PCDHGB1: variants seen among roughly 807,000 people sequenced by gnomAD.
PCDHGB1 encodes protocadherin gamma-B1.
Under a neutral mutation model 56.6 loss-of-function variants are expected in PCDHGB1, and 34 were observed. The ratio of observed to expected loss-of-function variants is 0.60; its 90% CI spans 0.46 to 0.80. The LOEUF (loss-of-function observed/expected upper bound fraction) is 0.80, where lower values mean the gene tolerates loss of function less well. PCDHGB1 is among the 30% of genes least tolerant of loss of function. PCDHGB1 has a pLI of 0.00. For synonymous variants in PCDHGB1, 561 were observed against 505.9 expected, an observed-to-expected ratio of 1.11 and a Z score of -1.46; for missense variants, 1,278 against 1,204.6, an observed-to-expected ratio of 1.06 and a Z score of -0.90.
Position 141,485,606 on chromosome 5 carries a change from G to T in PCDHGB1, c.2410-9201G>T, listed in dbSNP as rs2099616630. On this transcript the variant is annotated intron_variant, in intron 1 of 3. Transcript: ENST00000523390. The surrounding 1 kb of genome is among the most constrained non-coding windows in gnomAD (Gnocchi z 5.7). ...GCAGCTGGACTTGGAAATTGGGGAG[G>T]CAGCTCCTCCAGGACAGCGTTTCCC... is the stretch of plus-strand genomic sequence containing the variant. 1.2e-6 allele frequency: 2 copies of T among 1,612,362 alleles called. No homozygotes were observed. The highest frequency in any genetic ancestry group is 4.5e-5 in the East Asian group (2 of 44,840).
chr5:141,453,317 G>A (rs1218359210), intron 1 of PCDHGB1, among the ~76,000 whole-genome samples: 1 of 151,178 alleles, frequency 6.6e-6, no homozygotes, highest in Non-Finnish European at 1.5e-5. Flanking sequence ...ATTTATTTTA[G>A]AGATGGGGTC....
intron 1 of PCDHGB1, chr5:141,355,462 G>A (rs1450885001): frequency 6.2e-7 from 1 of 1,614,088 alleles, no homozygotes; most frequent in Admixed American, 1.7e-5. Flanking sequence ...GGTCACCGCG[G>A]GTAGGATAGA....
rs372676262 is a variant in PCDHGB1 at position 141,404,832 on chromosome 5, G to A, written c.2409+52163G>A. On this transcript the variant is annotated intron_variant, in intron 1 of 3. Coordinates refer to ENST00000523390, the MANE Select transcript of PCDHGB1 (RefSeq NM_018922.3). ...GTGGGGCTGCACACAGGTGAAGTGCGCACAGCTCGGGCCCTGCTAGATAGA... is the reference window on the plus strand; with the variant it reads ...GTGGGGCTGCACACAGGTGAAGTGCACACAGCTCGGGCCCTGCTAGATAGA... 34 of 1,613,864 alleles carry A rather than the reference G, an allele frequency of 2.1e-5. No individual in the cohort carries two copies. Among genetic ancestry groups the A allele is most frequent in the Middle Eastern group, 1.6e-4 (1 of 6,062 alleles).
chr5:141,432,560 A>C lies in PCDHGB1; in HGVS notation c.2410-62247A>C. The C allele has an allele frequency of 2.5e-6, 4 of 1,613,600 alleles. No individual in the cohort carries two copies. Among genetic ancestry groups the C allele is most frequent in the Non-Finnish European group, 3.4e-6 (4 of 1,179,962 alleles). ...GGCGGTGGACAGAGACTCCGGCCAG[A>C]ACGCCTGGCTGTCCTACCGTCTGCT... On this transcript the variant is annotated intron_variant, in intron 1 of 3. Transcript: ENST00000523390. The surrounding 1 kb of genome is among the most constrained non-coding windows in gnomAD (Gnocchi z 6.0).
rs1000775080 is a variant in PCDHGB1 at position 141,487,567 on chromosome 5, G to C, written c.2410-7240G>C. 2 of 1,614,168 alleles carry C rather than the reference G, an allele frequency of 1.2e-6. No individual in the cohort carries two copies. The highest frequency in any genetic ancestry group is 1.7e-6 in the Non-Finnish European group (2 of 1,180,036). ...CACCCAGTGCACCTATGGCAGGGGA[G>C]CCTGTTCGCCCAAGCTGCCCACCCT... On this transcript the variant is annotated intron_variant, in intron 1 of 3. Coordinates refer to ENST00000523390, the MANE Select transcript of PCDHGB1 (RefSeq NM_018922.3). The surrounding 1 kb of genome is among the most constrained non-coding windows in gnomAD (Gnocchi z 5.0).
chr5:141,367,760 C>T (rs1765322147), intron 1 of PCDHGB1: 1 of 152,102 alleles, frequency 6.6e-6, no homozygotes, highest in Non-Finnish European at 1.5e-5. Flanking sequence ...TACTGCTGCA[C>T]TCAATAAATG....
At chr5:141,382,318 T>A (rs1233432296) in intron 1 of PCDHGB1, among the ~76,000 whole-genome samples, 1 of 152,250 alleles carries the variant, frequency 6.6e-6, no homozygotes, top group African/African-American at 2.4e-5. Context: ...TACACTGATG[T>A]AAATATTTTC....
intron 1 of PCDHGB1, among the ~76,000 whole-genome samples, chr5:141,470,877 T>C (rs1438812002): frequency 1.3e-5 from 2 of 151,808 alleles, no homozygotes; most frequent in Non-Finnish European, 2.9e-5. Context: ...TTTGTTTTTT[T>C]GTTTTTGTTT....
chr5:141,427,875 C>A, intron 1 of PCDHGB1: 1 of 1,560,408 alleles, frequency 6.4e-7, no homozygotes. Flanking sequence ...GCTCACGATG[C>A]AGGCCCACGA....
intron 1 of PCDHGB1, chr5:141,400,541 T>C: frequency 6.2e-7 from 1 of 1,613,832 alleles, no homozygotes; most frequent in Admixed American, 1.7e-5. Flanking sequence ...TTCATTTATG[T>C]CTATTCTTTT....
At position 141,389,059 on chromosome 5, in the gene PCDHGB1, T is replaced by C. The variant is rs773183818; in HGVS notation, c.2409+36390T>C. The stretch of plus-strand genomic sequence containing the variant: ...TTGGAAGGTGATGTTCCATTTAAAA[T>C]ATTAACTTCTTCAAGAAACACGTAT... On this transcript the variant is annotated intron_variant, in intron 1 of 3. Transcript: ENST00000523390. 4 of 1,613,988 alleles carry C rather than the reference T, an allele frequency of 2.5e-6. No individual in the cohort carries two copies. In the South Asian group the frequency reaches 4.4e-5, roughly 18 times the overall value.
At chr5:141,409,235 C>A (rs1471024804) in intron 1 of PCDHGB1, 1 of 1,613,832 alleles carries the variant, frequency 6.2e-7, no homozygotes, top group East Asian at 2.2e-5. Context: ...CGACAACAGC[C>A]CAGAAATAAT....
intron 1 of PCDHGB1, chr5:141,478,148 C>A: frequency 6.2e-7 from 1 of 1,614,066 alleles, no homozygotes; most frequent in Non-Finnish European, 8.5e-7. Flanking sequence ...AGCCGAGTTC[C>A]CCTCTGGCTC....
At chr5:141,437,826 CT>C (rs1263000808) in intron 1 of PCDHGB1, among the ~76,000 whole-genome samples, 5 of 151,936 alleles carry the variant, frequency 3.3e-5, no homozygotes, top group African/African-American at 1.2e-4. Flanking sequence ...CAACCTCTGC[CT>C]CCTGGGTTCA....
intron 1 of PCDHGB1, chr5:141,383,710 G>A (rs1388027066): frequency 1.4e-5 from 22 of 1,613,874 alleles, no homozygotes; most frequent in Non-Finnish European, 1.9e-5. Flanking sequence ...CGACCTGGAC[G>A]AGGGAGTCAA....
chr5:141,419,681 G>T (rs377117997), intron 1 of PCDHGB1: 89 of 1,612,904 alleles, frequency 5.5e-5, no homozygotes, highest in Non-Finnish European at 7.0e-5. Flanking sequence ...GTCCTACCAC[G>T]TGGTGCAGGC....
intron 1 of PCDHGB1, among the ~76,000 whole-genome samples, chr5:141,380,075 C>T (rs1776189722): frequency 6.6e-6 from 1 of 151,480 alleles, no homozygotes; most frequent in African/African-American, 2.4e-5. Flanking sequence ...AATTTTCATA[C>T]TTTTAGTAGA....
intron 1 of PCDHGB1, among the ~76,000 whole-genome samples, chr5:141,354,039 G>A (rs1054364737): frequency 1.4e-4 from 22 of 152,148 alleles, no homozygotes; most frequent in Admixed American, 1.3e-3. Context: ...GAAAGCGATG[G>A]CACATGCAAT....
At chr5:141,438,591 CATATATATATATATATAT>C (rs946798767) in intron 1 of PCDHGB1, among the ~76,000 whole-genome samples, 2 of 75,562 alleles carry the variant, frequency 2.6e-5, no homozygotes, top group Non-Finnish European at 5.4e-5. Context: ...TACATACATA[CATATATATATATATATAT>C]ATATATATAT....
Sources: allele counts gnomAD v4.1 joint callset (sites outside exome capture counted in the v4.1 genomes callset), GRCh38; gene constraint gnomAD v4.1.1; non-coding constraint Gnocchi (gnomAD v3.1); transcripts MANE v1.5; gene names NCBI Gene and HGNC (gene_info 2026-07-23, HGNC 2026-07-21).